The following SLC24A2 variants were observed in gnomAD, a reference collection of about 807,000 sequenced individuals.
SLC24A2 encodes the protein sodium/potassium/calcium exchanger 2.
A neutral mutation model predicts 62.0 loss-of-function variants in SLC24A2; 36 were observed. The ratio of observed to expected loss-of-function variants is 0.58; its 90% CI spans 0.44 to 0.77. The LOEUF is 0.77. Among genes scored for constraint, SLC24A2 ranks in the 30% least tolerant of loss-of-function variants. SLC24A2 has a pLI of 0.00. For synonymous variants in SLC24A2, 358 were observed against 294.0 expected, an observed-to-expected ratio of 1.22 and a Z score of -2.23; for missense variants, 846 against 817.9, an observed-to-expected ratio of 1.03 and a Z score of -0.42.
the SLC24A2 span, among the ~76,000 whole-genome samples, chr9:20,207,903 AT>A: frequency 6.6e-6 from 1 of 152,192 alleles, no homozygotes; most frequent in Non-Finnish European, 1.5e-5. Context: ...GTTTGTGTTT[AT>A]TTTTTACTTT....
At chr9:19,835,550 A>T in the SLC24A2 span, among the ~76,000 whole-genome samples, 1 of 152,214 alleles carries the variant, frequency 6.6e-6, no homozygotes, top group Non-Finnish European at 1.5e-5. Context: ...TATGCATCCA[A>T]TACAGGAGCA....
chr9:19,547,026 G>A lies in SLC24A2; in HGVS notation c.1479+3111C>T, dbSNP rs987185568. Among the ~76,000 whole-genome samples, 11 of 152,256 alleles carry A rather than the reference G, an allele frequency of 7.2e-5. No individual in the cohort carries two copies. In the East Asian group the frequency reaches 2.1e-3, roughly 29 times the overall value. On this transcript the variant is annotated intron_variant, in intron 8 of 10. Coordinates refer to ENST00000341998, the MANE Select transcript of SLC24A2 (RefSeq NM_020344.4). ...AATGTGGAAAAATCACCTGCCTTCT[G>A]TGGCGATCTCGCTGGGAGCTGCATA...
the SLC24A2 span, among the ~76,000 whole-genome samples, chr9:19,874,746 G>A: frequency 6.6e-6 from 1 of 152,190 alleles, no homozygotes; most frequent in Admixed American, 6.5e-5. Context: ...TCTGAGGTCA[G>A]CTTTGTCTGC....
chr9:19,909,862 A>G, the SLC24A2 span, among the ~76,000 whole-genome samples: 1 of 152,078 alleles, frequency 6.6e-6, no homozygotes, highest in Non-Finnish European at 1.5e-5. Flanking sequence ...CCCTCACTAT[A>G]CGGAGCACAA....
intron 2 of SLC24A2, among the ~76,000 whole-genome samples, chr9:19,699,910 G>C (rs957596218): frequency 6.6e-6 from 1 of 152,078 alleles, no homozygotes; most frequent in African/African-American, 2.4e-5. Flanking sequence ...CTTCTGGTTA[G>C]GACACACGGG....
rs561126231 is a variant in SLC24A2 at position 19,572,782 on chromosome 9, C to A, written c.1347+569G>T. Among the ~76,000 whole-genome samples, 14 of 152,288 alleles carry A rather than the reference C, an allele frequency of 9.2e-5. No individual in the cohort carries two copies. In the South Asian group the frequency reaches 1.9e-3, roughly 20 times the overall value. ...AATGTTAGGTTTTACAACTACTAGACTGAAAAGTTCAAGTGGTTGTGCCAT... is the reference window on the plus strand; with the variant it reads ...AATGTTAGGTTTTACAACTACTAGAATGAAAAGTTCAAGTGGTTGTGCCAT... On this transcript the variant is annotated intron_variant, in intron 7 of 10. Coordinates refer to ENST00000341998, the MANE Select transcript of SLC24A2 (RefSeq NM_020344.4).
intron 4 of SLC24A2, among the ~76,000 whole-genome samples, chr9:19,613,428 G>A (rs1275660397): frequency 6.6e-6 from 1 of 152,124 alleles, no homozygotes; most frequent in Non-Finnish European, 1.5e-5. Flanking sequence ...AAACCATCAA[G>A]GCACAGGATG....
the SLC24A2 span, among the ~76,000 whole-genome samples, chr9:20,025,405 C>T: frequency 7.9e-5 from 12 of 151,900 alleles, no homozygotes; most frequent in African/African-American, 2.9e-4. Flanking sequence ...TATTGACTGG[C>T]CTAGAAGTAA....
chr9:19,788,470 G>T, intron 1 of SLC24A2: 1 of 980,860 alleles, frequency 1.0e-6, no homozygotes, highest in Non-Finnish European at 1.2e-6. Flanking sequence ...TTTGCCTTGC[G>T]TGGTCCCAAA....
the SLC24A2 span, among the ~76,000 whole-genome samples, chr9:20,279,079 C>A: frequency 6.6e-6 from 1 of 152,036 alleles, no homozygotes; most frequent in Non-Finnish European, 1.5e-5. Flanking sequence ...TCTCATGATA[C>A]TTATTCACTA....
intron 2 of SLC24A2, among the ~76,000 whole-genome samples, chr9:19,631,987 T>A (rs1818192417): frequency 6.6e-6 from 1 of 152,118 alleles, no homozygotes; most frequent in African/African-American, 2.4e-5. Flanking sequence ...TGCAGTGAAG[T>A]GGAGAACATG....
chr9:20,084,089 G>A, the SLC24A2 span, among the ~76,000 whole-genome samples: 90 of 152,260 alleles, frequency 5.9e-4, no homozygotes, highest in African/African-American at 2.0e-3. Flanking sequence ...GCTTTTCACC[G>A]TGGAGCAGGA....
intron 2 of SLC24A2, among the ~76,000 whole-genome samples, chr9:19,624,340 G>A (rs551176094): frequency 1.3e-5 from 2 of 152,086 alleles, no homozygotes; most frequent in African/African-American, 4.8e-5. Context: ...GATGAAAGCA[G>A]GGAGAGAAAA....
At chr9:19,798,698 A>G in the SLC24A2 span, among the ~76,000 whole-genome samples, 3 of 152,098 alleles carry the variant, frequency 2.0e-5, no homozygotes, top group East Asian at 3.8e-4. Flanking sequence ...ACACATATCC[A>G]TAATTTTTTC....
chr9:20,043,163 T>C, the SLC24A2 span, among the ~76,000 whole-genome samples: 1 of 152,174 alleles, frequency 6.6e-6, no homozygotes, highest in Admixed American at 6.5e-5. Context: ...CGCCAAAAGC[T>C]AGGGCTCTTG....
the SLC24A2 span, among the ~76,000 whole-genome samples, chr9:19,852,326 A>G: frequency 6.6e-6 from 1 of 152,186 alleles, no homozygotes; most frequent in African/African-American, 2.4e-5. Flanking sequence ...TAGTTTAATT[A>G]GATCCCATTT....
rs747184550 is a variant in SLC24A2 at position 19,632,133 on chromosome 9, G to A, written c.931-9834C>T. Among the ~76,000 whole-genome samples the A allele has an allele frequency of 5.3e-5, 8 of 152,078 alleles. No individual in the cohort carries two copies. Among genetic ancestry groups the A allele is most frequent in the Non-Finnish European group, 7.4e-5 (5 of 68,020 alleles). ...CAGTTACCTTCTCAATTGTCCCTGG[G>A]GCTGATGCAGTTTAGGGTAGAGTGA... On this transcript the variant is annotated intron_variant, in intron 2 of 10. Coordinates refer to ENST00000341998, the MANE Select transcript of SLC24A2 (RefSeq NM_020344.4). The surrounding 1 kb of genome is among the most constrained non-coding windows in gnomAD (Gnocchi z 4.5).
the SLC24A2 span, among the ~76,000 whole-genome samples, chr9:20,006,369 T>A: frequency 0.017 from 2,517 of 151,928 alleles, 52 homozygotes; most frequent in African/African-American, 0.057. Flanking sequence ...GGGTACAAAA[T>A]ATAACTAGAT....
At chr9:19,557,808 A>C (rs557520306) in intron 7 of SLC24A2, among the ~76,000 whole-genome samples, 1 of 148,802 alleles carries the variant, frequency 6.7e-6, no homozygotes, top group African/African-American at 2.5e-5. Context: ...TAAATGGCTC[A>C]CATTTCTTTT....
Sources: allele counts gnomAD v4.1 joint callset (sites outside exome capture counted in the v4.1 genomes callset), GRCh38; gene constraint gnomAD v4.1.1; non-coding constraint Gnocchi (gnomAD v3.1); transcripts MANE v1.5; gene names NCBI Gene and HGNC (gene_info 2026-07-23, HGNC 2026-07-21).